RANBP17: variants seen among roughly 807,000 people sequenced by gnomAD.
The protein encoded by RANBP17 is ran-binding protein 17.
RANBP17 carries 158 observed loss-of-function variants against 141.2 expected under a neutral mutation model. The ratio of observed to expected loss-of-function variants is 1.12; its 90% CI spans 0.98 to 1.28. The LOEUF (loss-of-function observed/expected upper bound fraction) is 1.28, where lower values mean the gene tolerates loss of function less well. RANBP17 is among the 50% of genes most tolerant of loss of function. The pLI is 0.00. For synonymous variants in RANBP17, 430 were observed against 450.0 expected (o/e 0.96, Z 0.56); for missense variants, 1,438 against 1,290.7 (o/e 1.11, Z -1.75).
chr5:171,266,827 G>A (rs575394887), intron 25 of RANBP17, among the ~76,000 whole-genome samples: 68 of 151,908 alleles, frequency 4.5e-4, no homozygotes, highest in Middle Eastern at 3.4e-3. Context: ...CAGAAGAATC[G>A]TGTGAACCTG....
intron 14 of RANBP17, among the ~76,000 whole-genome samples, chr5:171,063,760 C>A (rs1395224995): frequency 6.6e-6 from 1 of 152,192 alleles, no homozygotes; most frequent in Non-Finnish European, 1.5e-5. Context: ...TGCCCTGCCC[C>A]CAGAGGTGGA....
At chr5:171,158,571 T>C (rs1759067071) in intron 14 of RANBP17, 1 of 174,720 alleles carries the variant, frequency 5.7e-6, no homozygotes, top group Non-Finnish European at 1.2e-5. Context: ...AACACCTTAG[T>C]ACTGGTGGCT....
intron 18 of RANBP17, among the ~76,000 whole-genome samples, chr5:171,192,971 T>G (rs988944871): frequency 5.3e-5 from 8 of 152,308 alleles, no homozygotes; most frequent in South Asian, 2.1e-4. Context: ...TTCTCAAAGT[T>G]TTACTGTAAT....
rs1190011903 is a variant in RANBP17 at position 170,919,616 on chromosome 5, A to G, written c.1274+3A>G. The G allele has an allele frequency of 5.8e-6, 9 of 1,551,700 alleles. No homozygotes were observed. The highest frequency in any genetic ancestry group is 7.8e-6 in the Non-Finnish European group (9 of 1,155,682). On this transcript the variant is annotated splice_donor_region_variant and intron_variant, in intron 11 of 27. Transcript: ENST00000523189. ...GACTCTGTTGCCATAGTTGTGAGGT[A>G]TTCAAAAACTAAATGTTTTTGTTGT...
At chr5:171,055,880 C>CAAAAAAAAAA (rs72488636) in intron 14 of RANBP17, among the ~76,000 whole-genome samples, 4 of 25,098 alleles carry the variant, frequency 1.6e-4, no homozygotes, top group African/African-American at 4.2e-4. Flanking sequence ...GTCCTGTTGC[C>CAAAAAAAAAA]AAAAAAAAAA....
At chr5:171,155,070 T>C (rs1390159774) in intron 14 of RANBP17, among the ~76,000 whole-genome samples, 1 of 86,940 alleles carries the variant, frequency 1.2e-5, no homozygotes, top group Non-Finnish European at 2.1e-5. Flanking sequence ...AGAGTGATAC[T>C]CCATCTAGAA....
At chr5:170,862,553 C>A (rs1766891914) in intron 1 of RANBP17, among the ~76,000 whole-genome samples, 1 of 152,166 alleles carries the variant, frequency 6.6e-6, no homozygotes, top group Admixed American at 6.5e-5. Context: ...ACCGAAGGAG[C>A]GGCGGCAGCG....
intron 14 of RANBP17, among the ~76,000 whole-genome samples, chr5:170,977,986 G>A (rs1777503725): frequency 6.6e-6 from 1 of 152,006 alleles, no homozygotes; most frequent in Non-Finnish European, 1.5e-5. Flanking sequence ...TTATATAGTA[G>A]GTGAATATGT....
At chr5:171,137,571 G>GGTGTGT (rs757634108) in intron 14 of RANBP17, among the ~76,000 whole-genome samples, 659 of 62,414 alleles carry the variant, frequency 0.011, 4 homozygotes, top group African/African-American at 0.013. Flanking sequence ...GTTGACTTGA[G>GGTGTGT]ATGTGTGTGT....
At chr5:171,179,451 CTACTT>C (rs1760737684) in intron 16 of RANBP17, among the ~76,000 whole-genome samples, 1 of 152,090 alleles carries the variant, frequency 6.6e-6, no homozygotes, top group Admixed American at 6.6e-5. Flanking sequence ...TTCAGTTACT[CTACTT>C]TGTGCATATA....
chr5:171,291,555 T>C (rs1366403862), intron 25 of RANBP17, among the ~76,000 whole-genome samples: 1 of 152,170 alleles, frequency 6.6e-6, no homozygotes, highest in Admixed American at 6.5e-5. Flanking sequence ...TGTCTCCTTT[T>C]AGTATTCCTG....
At chr5:171,152,142 C>T (rs1301349890) in intron 14 of RANBP17, among the ~76,000 whole-genome samples, 1 of 151,922 alleles carries the variant, frequency 6.6e-6, no homozygotes, top group Admixed American at 6.6e-5. Flanking sequence ...GGCACAGTAG[C>T]TCACTCACGC....
intron 16 of RANBP17, among the ~76,000 whole-genome samples, chr5:171,173,998 G>C (rs1760272026): frequency 6.6e-6 from 1 of 152,134 alleles, no homozygotes; most frequent in Non-Finnish European, 1.5e-5. Flanking sequence ...CCTAAATAAT[G>C]ATGTGGGGAC....
At chr5:171,223,267 T>C (rs891824647) in intron 22 of RANBP17, among the ~76,000 whole-genome samples, 2 of 152,220 alleles carry the variant, frequency 1.3e-5, no homozygotes, top group Non-Finnish European at 2.9e-5. Flanking sequence ...ACTTGTACTC[T>C]CTTATTTTCA....
At chr5:171,095,067 A>G (rs866865133) in intron 14 of RANBP17, among the ~76,000 whole-genome samples, 4 of 152,186 alleles carry the variant, frequency 2.6e-5, no homozygotes, top group African/African-American at 4.8e-5. Context: ...TGCTGGTACC[A>G]TATTCTTGGA....
chr5:171,000,730 C>T (rs983894270), intron 14 of RANBP17, among the ~76,000 whole-genome samples: 2 of 152,088 alleles, frequency 1.3e-5, no homozygotes, highest in Non-Finnish European at 2.9e-5. Flanking sequence ...TTGGGATAGG[C>T]AGTGAGTTAG....
intron 14 of RANBP17, among the ~76,000 whole-genome samples, chr5:171,027,384 T>C (rs1320272157): frequency 1.3e-5 from 2 of 152,168 alleles, no homozygotes; most frequent in Non-Finnish European, 2.9e-5. Flanking sequence ...TTATGATGCT[T>C]TTGAAGTATT....
intron 25 of RANBP17, among the ~76,000 whole-genome samples, chr5:171,285,741 T>C (rs1768134889): frequency 6.6e-6 from 1 of 152,244 alleles, no homozygotes; most frequent in South Asian, 2.1e-4. Context: ...CACAGTGGTG[T>C]AGTGTAGTCA....
intron 24 of RANBP17, among the ~76,000 whole-genome samples, chr5:171,249,680 C>T (rs150044557): frequency 1.3e-5 from 2 of 152,194 alleles, no homozygotes; most frequent in East Asian, 3.9e-4. Flanking sequence ...AATCTCAGAA[C>T]TTGAAGACAG....
Sources: gnomAD v4.1 joint callset for allele counts (sites outside exome capture counted in the v4.1 genomes callset) on GRCh38, gnomAD v4.1.1 for gene constraint, MANE v1.5 for transcripts, NCBI Gene and HGNC (gene_info 2026-07-23, HGNC 2026-07-21) for gene names.